The following NRG1 variants were observed in gnomAD, a reference collection of about 807,000 sequenced individuals.
NRG1 encodes neuregulin 1.
In NRG1, 18 loss-of-function variants were observed where a neutral mutation model predicts 63.8. The ratio of observed to expected loss-of-function variants is 0.28; its 90% CI spans 0.19 to 0.42. NRG1 has a LOEUF of 0.42. NRG1 is among the 10% of genes least tolerant of loss of function. The pLI, the probability that NRG1 is intolerant of heterozygous loss-of-function variation, is 1.00. For missense variants in NRG1, 762 were observed against 814.7 expected (o/e 0.94, Z 0.79); for synonymous variants, 302 against 301.3 (o/e 1.00, Z -0.02).
chr8:32,303,964 G>A (rs1339095525), intron 1 of NRG1, among the ~76,000 whole-genome samples: 3 of 152,092 alleles, frequency 2.0e-5, no homozygotes, highest in Admixed American at 6.5e-5. Flanking sequence ...TTTGAAATAG[G>A]TACATATACA....
At chr8:32,707,805 A>G (rs1311454326) in intron 5 of NRG1, among the ~76,000 whole-genome samples, 1 of 152,044 alleles carries the variant, frequency 6.6e-6, no homozygotes, top group Non-Finnish European at 1.5e-5. Flanking sequence ...CTTTTGTATT[A>G]AATAATGCTA....
chr8:32,175,933 A>G lies in NRG1; in HGVS notation c.38-419895A>G, dbSNP rs547752019. On this transcript the variant is annotated intron_variant, in intron 1 of 10. Coordinates refer to the NRG1 transcript ENST00000519301. ...AAAGGTAATTTATAGATTCAATGCC[A>G]TCCCCATCAAGCTACCAATGACTTT... is the stretch of plus-strand genomic sequence containing the variant. 2.5e-3 allele frequency among the ~76,000 whole-genome samples: 383 copies of G among 152,310 alleles called. 1 individual carries two copies. The highest frequency in any genetic ancestry group is 9.0e-3 in the African/African-American group (373 of 41,574).
Position 32,359,341 on chromosome 8 carries a change from ACAAT to A in NRG1, c.38-236484_38-236481del, listed in dbSNP as rs1434975268. Among the ~76,000 whole-genome samples, 12 of 152,318 alleles carry A rather than the reference ACAAT, an allele frequency of 7.9e-5. No individual in the cohort carries two copies. The South Asian group carries it at 1.9e-3, about 24-fold the overall frequency. On this transcript the variant is annotated intron_variant, in intron 1 of 10. Transcript: ENST00000519301. The stretch of plus-strand genomic sequence containing the variant: ...TTGATCTTAGTTTGTCCACCTCTTG[ACAAT>A]CAGTTAGTAGTATATATGTATTTTT...
At chr8:32,052,730 G>C (rs1822191514) in intron 1 of NRG1, among the ~76,000 whole-genome samples, 1 of 152,152 alleles carries the variant, frequency 6.6e-6, no homozygotes, top group South Asian at 2.1e-4. Context: ...CAGAGTGCTA[G>C]CTGTAATGGG....
At chr8:32,310,373 T>C (rs1348088144) in intron 1 of NRG1, among the ~76,000 whole-genome samples, 1 of 152,188 alleles carries the variant, frequency 6.6e-6, no homozygotes, top group Non-Finnish European at 1.5e-5. Context: ...ATCATGTTGC[T>C]TTCAAGCTCT....
At chr8:31,869,272 C>T (rs1829272753) in intron 1 of NRG1, among the ~76,000 whole-genome samples, 1 of 152,138 alleles carries the variant, frequency 6.6e-6, no homozygotes, top group African/African-American at 2.4e-5. Flanking sequence ...ATGCCTTCTC[C>T]AGTTAGTCTC....
intron 1 of NRG1, among the ~76,000 whole-genome samples, chr8:31,883,826 T>A (rs1830528839): frequency 6.6e-6 from 1 of 152,146 alleles, no homozygotes; most frequent in South Asian, 2.1e-4. Context: ...TTTTTCCTTA[T>A]TTAAATGCTT....
At chr8:31,883,031 T>C (rs917161593) in intron 1 of NRG1, among the ~76,000 whole-genome samples, 2 of 152,130 alleles carry the variant, frequency 1.3e-5, no homozygotes, top group East Asian at 1.9e-4. Flanking sequence ...AGAAATTTTA[T>C]TGTGGGTAGC....
chr8:32,762,385 G>A (rs1830885228), intron 11 of NRG1, among the ~76,000 whole-genome samples: 1 of 152,004 alleles, frequency 6.6e-6, no homozygotes, highest in Non-Finnish European at 1.5e-5. Context: ...ATGATATCTA[G>A]GACTACGAAA....
chr8:31,947,944 C>CAAAAAAAA (rs55953491), intron 1 of NRG1, among the ~76,000 whole-genome samples: 3 of 32,968 alleles, frequency 9.1e-5, no homozygotes, highest in Non-Finnish European at 1.2e-4. Flanking sequence ...GACTCCATCT[C>CAAAAAAAA]AAAAAAAAAA....
At chr8:32,445,498 T>A (rs1416354921) in intron 1 of NRG1, among the ~76,000 whole-genome samples, 2 of 152,146 alleles carry the variant, frequency 1.3e-5, no homozygotes, top group Non-Finnish European at 2.9e-5. Context: ...CCACGTGATT[T>A]GCCTCACTGC....
intron 1 of NRG1, among the ~76,000 whole-genome samples, chr8:31,809,470 T>G (rs1025521795): frequency 1.3e-5 from 2 of 150,296 alleles, no homozygotes; most frequent in Non-Finnish European, 3.0e-5. Context: ...TTCTCTGTCT[T>G]AACTTTTTTA....
chr8:32,766,595 C>T (rs766644824), exon 12 of NRG1: 1 of 152,058 alleles, frequency 6.6e-6, no homozygotes, highest in Non-Finnish European at 1.5e-5. Context: ...CTCAGATATC[C>T]CATTGTGGAA....
intron 1 of NRG1, among the ~76,000 whole-genome samples, chr8:32,157,686 AT>A (rs1257042501): frequency 4.0e-5 from 6 of 148,920 alleles, no homozygotes; most frequent in Non-Finnish European, 7.4e-5. Flanking sequence ...ATATATGTTT[AT>A]AAATATATAA....
At chr8:31,891,484 C>T (rs1029217609) in intron 1 of NRG1, among the ~76,000 whole-genome samples, 4 of 152,068 alleles carry the variant, frequency 2.6e-5, no homozygotes, top group East Asian at 1.9e-4. Flanking sequence ...AGATTAGTGA[C>T]GAGACCAATC....
chr8:31,964,934 A>T (rs899453637), intron 1 of NRG1, among the ~76,000 whole-genome samples: 2 of 152,180 alleles, frequency 1.3e-5, no homozygotes, highest in African/African-American at 4.8e-5. Context: ...AGCTCTCTTT[A>T]TGACACATTT....
intron 1 of NRG1, among the ~76,000 whole-genome samples, chr8:32,250,546 C>G (rs776290620): frequency 1.6e-4 from 14 of 86,956 alleles, no homozygotes; most frequent in African/African-American, 6.6e-4. Flanking sequence ...CCCAGCTGTT[C>G]TATTTCATTT....
intron 1 of NRG1, among the ~76,000 whole-genome samples, chr8:32,332,758 T>G (rs1802804466): frequency 6.6e-6 from 1 of 152,136 alleles, no homozygotes; most frequent in Admixed American, 6.6e-5. Context: ...CCACAACAGG[T>G]GCAATTAACC....
At position 32,252,848 on chromosome 8, in the gene NRG1, G is replaced by A. The variant is rs546984788; in HGVS notation, c.38-342980G>A. On this transcript the variant is annotated intron_variant, in intron 1 of 10. Transcript: ENST00000519301. ...ATGAGCATGGAATGTTTTTCCATTTGTTTGTATCCTCTCTTATTTCCTTGA... is the reference window on the plus strand; with the variant it reads ...ATGAGCATGGAATGTTTTTCCATTTATTTGTATCCTCTCTTATTTCCTTGA... Among the ~76,000 whole-genome samples, 9 of 152,222 alleles carry A rather than the reference G, an allele frequency of 5.9e-5. No individual in the cohort carries two copies. The South Asian group carries it at 1.9e-3, about 32-fold the overall frequency.
Sources: gnomAD v4.1 joint callset for allele counts (sites outside exome capture counted in the v4.1 genomes callset) on GRCh38, gnomAD v4.1.1 for gene constraint, MANE v1.5 for transcripts, NCBI Gene and HGNC (gene_info 2026-07-23, HGNC 2026-07-21) for gene names.